DSCAM: variants seen among roughly 807,000 people sequenced by gnomAD.
DSCAM encodes DS cell adhesion molecule.
In DSCAM, 47 loss-of-function variants were observed where a neutral mutation model predicts 217.7. The observed-to-expected ratio is 0.22, with a 90% CI of 0.17 to 0.28. The LOEUF (loss-of-function observed/expected upper bound fraction) is 0.28. DSCAM is among the 10% of genes least tolerant of loss of function. The probability of loss-of-function intolerance (pLI) is 1.00; values close to 1 mark genes in which losing one functional copy is unlikely to be tolerated. For missense variants in DSCAM, 2,080 were observed against 2,618.3 expected (o/e 0.79, Z 4.49); for synonymous variants, 1,056 against 1,015.3 (o/e 1.04, Z -0.76).
intron 3 of DSCAM, among the ~76,000 whole-genome samples, chr21:40,680,582 T>C (rs2090390466): frequency 6.6e-6 from 1 of 152,246 alleles, no homozygotes. Flanking sequence ...TATCTGTTTA[T>C]AGCTTCTTTT....
chr21:40,749,428 T>G (rs2091205933), intron 1 of DSCAM, among the ~76,000 whole-genome samples: 1 of 152,168 alleles, frequency 6.6e-6, no homozygotes, highest in Admixed American at 6.5e-5. Context: ...GAATAGATAT[T>G]TTTCAAAGGA....
chr21:40,835,345 C>T (rs575371607), intron 1 of DSCAM, among the ~76,000 whole-genome samples: 2 of 152,314 alleles, frequency 1.3e-5, no homozygotes, highest in Admixed American at 1.3e-4. Context: ...CAGAGAGGAA[C>T]TGTGAGCTAT....
chr21:40,167,196 T>C, intron 16 of DSCAM, 22 bp downstream of exon 16: 3 of 1,612,428 alleles, frequency 1.9e-6, no homozygotes, highest in Non-Finnish European at 1.7e-6. Flanking sequence ...GCACCGAGAA[T>C]ACAAATGTTT....
chr21:40,305,922 C>T (rs190173274), intron 9 of DSCAM, among the ~76,000 whole-genome samples: 15 of 152,236 alleles, frequency 9.9e-5, no homozygotes, highest in South Asian at 2.1e-4. Flanking sequence ...CTTGGCGACG[C>T]GGGCTCTTTT....
intron 1 of DSCAM, among the ~76,000 whole-genome samples, chr21:40,710,373 T>G (rs551968237): frequency 6.6e-6 from 1 of 152,360 alleles, no homozygotes; most frequent in South Asian, 2.1e-4. Flanking sequence ...ACATTTCCCT[T>G]GTGGTCCACC....
At chr21:40,614,836 G>A (rs2089366824) in intron 3 of DSCAM, among the ~76,000 whole-genome samples, 1 of 152,016 alleles carries the variant, frequency 6.6e-6, no homozygotes, top group Non-Finnish European at 1.5e-5. Context: ...AACATCAACA[G>A]GATTACATGA....
At chr21:40,036,553 C>T (rs944116704) in intron 32 of DSCAM, among the ~76,000 whole-genome samples, 1 of 145,592 alleles carries the variant, frequency 6.9e-6, no homozygotes, top group African/African-American at 2.7e-5. Context: ...GAGTCCAGGA[C>T]CAGATGGATT....
chr21:40,762,205 G>A (rs192979925), intron 1 of DSCAM, among the ~76,000 whole-genome samples: 1 of 151,874 alleles, frequency 6.6e-6, no homozygotes, highest in Non-Finnish European at 1.5e-5. Context: ...AAAATAGATA[G>A]ACCACTAGAT....
intron 24 of DSCAM, among the ~76,000 whole-genome samples, chr21:40,080,702 T>C (rs906721992): frequency 3.9e-5 from 6 of 152,218 alleles, no homozygotes; most frequent in Non-Finnish European, 7.3e-5. Flanking sequence ...GCTGAAGCTG[T>C]TATTTTTGCA....
rs888769459 is a variant in DSCAM, at chr21:40,600,559, G to A, written c.508+92251C>T. 1.1e-4 allele frequency among the ~76,000 whole-genome samples: 17 copies of A among 152,052 alleles called. 1 individual carries two copies. Among genetic ancestry groups the A allele is most frequent in the African/African-American group, 3.6e-4 (15 of 41,368 alleles). On this transcript the variant is annotated intron_variant, in intron 3 of 32. Transcript: ENST00000400454. ...AACTTATTAATTTGTCCTTTCATTC[G>A]TCATACTTTTGCGGTTGTATCTAAA...
At chr21:40,545,299 C>G (rs1241691129) in intron 3 of DSCAM, among the ~76,000 whole-genome samples, 1 of 152,162 alleles carries the variant, frequency 6.6e-6, no homozygotes, top group African/African-American at 2.4e-5. Context: ...CGATGGTATT[C>G]TGTGACAGCA....
intron 27 of DSCAM, among the ~76,000 whole-genome samples, chr21:40,072,836 C>T (rs2089315842): frequency 1.3e-5 from 2 of 152,256 alleles, no homozygotes; most frequent in South Asian, 4.1e-4. Context: ...TTGGATTTAC[C>T]TTTTCCCCAG....
At chr21:40,280,746 A>C (rs1333878597) in intron 10 of DSCAM, among the ~76,000 whole-genome samples, 2 of 152,210 alleles carry the variant, frequency 1.3e-5, no homozygotes, top group African/African-American at 4.8e-5. Flanking sequence ...TTAATTACTG[A>C]GCACCTGTAC....
At chr21:40,565,545 G>C (rs1202194989) in intron 3 of DSCAM, among the ~76,000 whole-genome samples, 1 of 152,118 alleles carries the variant, frequency 6.6e-6, no homozygotes, top group African/African-American at 2.4e-5. Flanking sequence ...ACTTACATTG[G>C]AATTAATTTC....
intron 3 of DSCAM, among the ~76,000 whole-genome samples, chr21:40,645,066 A>G (rs767409171): frequency 1.6e-4 from 24 of 152,208 alleles, no homozygotes; most frequent in Non-Finnish European, 2.9e-4. Flanking sequence ...GGGGGCTGCC[A>G]ATCTAGGACA....
intron 11 of DSCAM, among the ~76,000 whole-genome samples, chr21:40,243,106 G>A (rs1172304035): frequency 6.6e-6 from 1 of 152,148 alleles, no homozygotes; most frequent in African/African-American, 2.4e-5. Flanking sequence ...TGTGCTTTGG[G>A]ACCACCCCTG....
chr21:40,310,325 A>G (rs1049770842), intron 9 of DSCAM, among the ~76,000 whole-genome samples: 1 of 152,186 alleles, frequency 6.6e-6, no homozygotes, highest in African/African-American at 2.4e-5. Context: ...CTCCCAGGAG[A>G]TTCTACAGAA....
chr21:40,498,668 C>CCCATATAT (rs1555846358), intron 3 of DSCAM, among the ~76,000 whole-genome samples: 1 of 28,526 alleles, frequency 3.5e-5, no homozygotes, highest in African/African-American at 1.2e-4. Flanking sequence ...TATATATACC[C>CCCATATAT]ATATATATAT....
At chr21:40,429,536 G>A (rs1001831917) in intron 3 of DSCAM, among the ~76,000 whole-genome samples, 26 of 152,184 alleles carry the variant, frequency 1.7e-4, no homozygotes, top group African/African-American at 5.5e-4. Flanking sequence ...CCAACGTGCT[G>A]GGATTACAGG....
Sources: allele counts gnomAD v4.1 joint callset (sites outside exome capture counted in the v4.1 genomes callset), GRCh38; gene constraint gnomAD v4.1.1; transcripts MANE v1.5; gene names NCBI Gene and HGNC (gene_info 2026-07-23, HGNC 2026-07-21).